The following UGT2A1 variants were observed in gnomAD, a reference collection of about 807,000 sequenced individuals.
UGT2A1 encodes UDP-glucuronosyltransferase 2A1.
UGT2A1 carries 61 observed loss-of-function variants against 45.4 expected under a neutral mutation model. The ratio of observed to expected loss-of-function variants is 1.34; its 90% CI spans 1.09 to 1.66. UGT2A1 has a LOEUF of 1.66. Ranked by LOEUF, UGT2A1 falls within the 40% of genes most tolerant of loss-of-function variation. The probability of loss-of-function intolerance (pLI) is 0.00; values close to 1 mark genes in which losing one functional copy is unlikely to be tolerated. For synonymous variants in UGT2A1, 229 were observed against 196.2 expected, an observed-to-expected ratio of 1.17 and a Z score of -1.40; for missense variants, 649 against 574.3, an observed-to-expected ratio of 1.13 and a Z score of -1.33.
chr4:69,623,222 G>A (rs1720852653), intron 3 of UGT2A1, among the ~76,000 whole-genome samples: 1 of 151,720 alleles, frequency 6.6e-6, no homozygotes, highest in Non-Finnish European at 1.5e-5. Flanking sequence ...AATTGTGATT[G>A]TACTGCATGC....
intron 2 of UGT2A1, among the ~76,000 whole-genome samples, chr4:69,645,914 A>C (rs1722239134): frequency 6.6e-6 from 1 of 151,760 alleles, no homozygotes. Flanking sequence ...CTTTGAGCAC[A>C]CTTTTCCTTC....
At chr4:69,648,027 C>A (rs1722359943) in intron 1 of UGT2A1, among the ~76,000 whole-genome samples, 1 of 151,670 alleles carries the variant, frequency 6.6e-6, no homozygotes. Flanking sequence ...GGTATTGAAA[C>A]CTCAGATAGG....
intron 3 of UGT2A1, among the ~76,000 whole-genome samples, chr4:69,615,858 C>CA (rs34028035): frequency 0.14 from 21,784 of 151,748 alleles, 1,830 homozygotes; most frequent in Admixed American, 0.26. Flanking sequence ...GGATATTTCT[C>CA]AAAAAACTAA....
chr4:69,596,185 T>A, intron 4 of UGT2A1: 1 of 1,406,946 alleles, frequency 7.1e-7, no homozygotes, highest in Non-Finnish European at 9.3e-7. Context: ...GGAAAGAACA[T>A]TACTAGCTGC....
chr4:69,610,000 C>T (rs987812757), intron 3 of UGT2A1, among the ~76,000 whole-genome samples: 1 of 152,096 alleles, frequency 6.6e-6, no homozygotes, highest in African/African-American at 2.4e-5. Context: ...GAGGAAATAA[C>T]ATATAACTAG....
chr4:69,619,850 T>G (rs1383516874), intron 3 of UGT2A1, among the ~76,000 whole-genome samples: 1 of 151,986 alleles, frequency 6.6e-6, no homozygotes, highest in Non-Finnish European at 1.5e-5. Context: ...TGGTTCAACA[T>G]ACACAAATCA....
At chr4:69,644,594 G>T (rs911461229) in intron 2 of UGT2A1, among the ~76,000 whole-genome samples, 1 of 151,586 alleles carries the variant, frequency 6.6e-6, no homozygotes, top group African/African-American at 2.4e-5. Context: ...TCAACCATAA[G>T]ATGTTTCCCA....
intron 1 of UGT2A1, among the ~76,000 whole-genome samples, chr4:69,650,134 C>T (rs1175107835): frequency 6.6e-6 from 1 of 152,044 alleles, no homozygotes; most frequent in East Asian, 1.9e-4. Flanking sequence ...TCCAACCTCA[C>T]CTTTGATGTC....
intron 6 of UGT2A1, among the ~76,000 whole-genome samples, chr4:69,590,557 G>A (rs540356837): frequency 1.6e-4 from 25 of 152,168 alleles, no homozygotes; most frequent in African/African-American, 5.5e-4. Context: ...TGTTAGGACT[G>A]GGGAATGGGG....
chr4:69,634,102 G>C (rs1272423309), intron 3 of UGT2A1, among the ~76,000 whole-genome samples: 1 of 151,894 alleles, frequency 6.6e-6, no homozygotes, highest in East Asian at 1.9e-4. Flanking sequence ...AAAATTAGCC[G>C]GGCTTGGTGA....
intron 1 of UGT2A1, among the ~76,000 whole-genome samples, chr4:69,650,061 C>A (rs1270565085): frequency 1.3e-5 from 2 of 152,088 alleles, no homozygotes; most frequent in African/African-American, 2.4e-5. Flanking sequence ...TGAGAAATGG[C>A]AATCCTCTTG....
chr4:69,630,055 C>T (rs1012574165), intron 3 of UGT2A1, among the ~76,000 whole-genome samples: 3 of 151,700 alleles, frequency 2.0e-5, no homozygotes, highest in East Asian at 1.9e-4. Flanking sequence ...CATATTTAAA[C>T]GTGACTTTAA....
chr4:69,625,003 C>CAA lies in UGT2A1; in HGVS notation c.847+10686_847+10687dup, dbSNP rs144107776. 9.3e-4 allele frequency among the ~76,000 whole-genome samples: 140 copies of CAA among 150,258 alleles called. 1 individual carries two copies. The highest frequency in any genetic ancestry group is 2.9e-3 in the African/African-American group (121 of 41,164). ...TTAATTTTCTTGGTTCTTGTAGCAA[C>CAA]AAAAAAAATCAGCCTTTATTTTTAA... On this transcript the variant is annotated intron_variant, in intron 3 of 6. Transcript: ENST00000286604.
chr4:69,622,216 T>G (rs1474065250), intron 3 of UGT2A1, among the ~76,000 whole-genome samples: 1 of 151,456 alleles, frequency 6.6e-6, no homozygotes, highest in African/African-American at 2.4e-5. Flanking sequence ...CAAGAGAAAT[T>G]GAAAGAAAAA....
intron 1 of UGT2A1, among the ~76,000 whole-genome samples, chr4:69,651,126 T>C (rs552361803): frequency 2.0e-4 from 31 of 152,286 alleles, no homozygotes; most frequent in African/African-American, 7.5e-4. Context: ...TTTCTCACAC[T>C]AGTGAGGTTA....
rs982058629 is a variant in UGT2A1, at chr4:69,589,401, T to C, written c.1555A>G (p.Lys519Glu). 1.2e-5 allele frequency: 20 copies of C among 1,613,488 alleles called. No homozygotes were observed. Among genetic ancestry groups the C allele is most frequent in the Non-Finnish European group, 1.7e-5 (20 of 1,179,750 alleles). ...CCLFSCQKFG[K>E]IGKKKKRE ...TCTCTTTTTTTCTTCTTTCCTATCT[T>C]ACCAAATTTTTGACAGGAAAACAAA... The change falls in exon 7 of 7, where the codon AAG (lysine) becomes GAG (glutamate). Residue 519 changes from lysine (K) to glutamate (E), a missense_variant. Transcript: ENST00000286604.
intron 1 of UGT2A1, among the ~76,000 whole-genome samples, chr4:69,648,673 C>T (rs148893736): frequency 6.6e-6 from 1 of 152,038 alleles, no homozygotes; most frequent in East Asian, 1.9e-4. Context: ...CATGTTCCTA[C>T]AGCAAAATAA....
At chr4:69,590,850 A>G (rs1198221264) in intron 6 of UGT2A1, among the ~76,000 whole-genome samples, 2 of 152,212 alleles carry the variant, frequency 1.3e-5, no homozygotes, top group African/African-American at 4.8e-5. Context: ...GTTTTATTAT[A>G]CACTAATGTT....
In UGT2A1 at chr4:69,589,237, G is replaced by A; in HGVS notation, c.*135C>T. On this transcript the variant is annotated 3_prime_UTR_variant, in exon 7 of 7. Transcript: ENST00000286604. ...GGCTTTATCAGTAGGCTTATCGCAG[G>A]TAGAGAAATAGAAAATTTGGAAACA... 1.7e-6 allele frequency: 2 copies of A among 1,156,556 alleles called. No homozygotes were observed. Among genetic ancestry groups the A allele is most frequent in the Non-Finnish European group, 2.3e-6 (2 of 858,380 alleles). 71.6% of individuals were successfully genotyped at this position (1,156,556 alleles called of 1,614,324 possible). A position where few individuals can be genotyped will look rare whatever the true frequency, so the allele number is the denominator to read the frequency against.
Sources: allele counts gnomAD v4.1 joint callset (sites outside exome capture counted in the v4.1 genomes callset), GRCh38; gene constraint gnomAD v4.1.1; transcripts MANE v1.5; gene names NCBI Gene and HGNC (gene_info 2026-07-23, HGNC 2026-07-21).